The following SUGCT variants were observed in gnomAD, a reference collection of about 807,000 sequenced individuals.
SUGCT encodes succinyl-CoA:glutarate CoA-transferase.
SUGCT carries 41 observed loss-of-function variants against 55.0 expected under a neutral mutation model. The ratio of observed to expected loss-of-function variants is 0.74; its 90% CI spans 0.58 to 0.97. SUGCT has a LOEUF of 0.97. Among genes scored for constraint, SUGCT ranks in the 50% least tolerant of loss-of-function variants. The pLI is 0.00. For synonymous variants in SUGCT, 187 were observed against 200.4 expected, an observed-to-expected ratio of 0.93 and a Z score of 0.56; for missense variants, 568 against 547.8, an observed-to-expected ratio of 1.04 and a Z score of -0.37.
intron 12 of SUGCT, among the ~76,000 whole-genome samples, chr7:40,559,220 C>T (rs1019618663): frequency 2.0e-5 from 3 of 152,172 alleles, no homozygotes; most frequent in Non-Finnish European, 2.9e-5. Flanking sequence ...CAGCCAGATG[C>T]TCCATCTCCT....
chr7:40,340,939 A>G (rs541596603), intron 9 of SUGCT, among the ~76,000 whole-genome samples: 10 of 152,212 alleles, frequency 6.6e-5, no homozygotes, highest in Non-Finnish European at 1.2e-4. Flanking sequence ...GGTATGTAGT[A>G]TTAGATCAAA....
chr7:40,626,719 G>A lies in SUGCT; in HGVS notation c.1090-122715G>A, dbSNP rs541681161. 1.3e-4 allele frequency among the ~76,000 whole-genome samples: 20 copies of A among 152,198 alleles called. No homozygotes were observed. The South Asian group carries it at 2.3e-3, about 17-fold the overall frequency. The stretch of plus-strand genomic sequence containing the variant: ...TGGGTTCTTGGGGTCAGACAAACAC[G>A]GGTCCAAATCCTAGTTCTGGGTCTT... On this transcript the variant is annotated intron_variant, in intron 12 of 13. Coordinates refer to ENST00000335693, the MANE Select transcript of SUGCT (RefSeq NM_001193313.2).
At chr7:40,540,312 G>C (rs555561217) in intron 12 of SUGCT, among the ~76,000 whole-genome samples, 2 of 152,184 alleles carry the variant, frequency 1.3e-5, no homozygotes, top group African/African-American at 4.8e-5. Flanking sequence ...CAATAGCTCT[G>C]TAAGGTAAGG....
intron 12 of SUGCT, among the ~76,000 whole-genome samples, chr7:40,499,760 A>G (rs115817319): frequency 0.028 from 4,306 of 152,268 alleles, 149 homozygotes; most frequent in African/African-American, 0.074. Context: ...ATAGATTTTA[A>G]TAGCCAGTCA....
chr7:40,343,813 C>G (rs1268424512), intron 9 of SUGCT, among the ~76,000 whole-genome samples: 2 of 152,172 alleles, frequency 1.3e-5, no homozygotes, highest in Middle Eastern at 6.8e-3. Flanking sequence ...CCCGCCACCA[C>G]GCCTGGCTAA....
the SUGCT span, among the ~76,000 whole-genome samples, chr7:40,898,194 G>A: frequency 3.3e-5 from 5 of 152,130 alleles, no homozygotes; most frequent in Admixed American, 6.5e-5. Context: ...AACTCTGGAC[G>A]TGCCACTTTT....
Position 40,181,986 on chromosome 7 carries a change from T to C in SUGCT, c.184T>C (p.Leu62=). 6.2e-7 allele frequency: 1 copy of C among 1,602,300 alleles called. No homozygotes were observed. Among genetic ancestry groups the C allele is most frequent in the Non-Finnish European group, 8.5e-7 (1 of 1,172,974 alleles). The part of the protein sequence containing the change: ...VLAGPFATMN[L]GDLGAEVIKV... ...GGCGGGACCTTTTGCTACTATGAAT[T>C]TAGGAGATCTTGGAGCAGAAGTTAT... The change falls in exon 3 of 14, where the codon TTA becomes CTA. Residue 62 remains leucine, a synonymous_variant. Coordinates refer to ENST00000335693, the MANE Select transcript of SUGCT (RefSeq NM_001193313.2).
At chr7:40,870,436 T>C in the SUGCT span, among the ~76,000 whole-genome samples, 948 of 152,286 alleles carry the variant, frequency 6.2e-3, 2 homozygotes, top group Admixed American at 9.9e-3. Flanking sequence ...CTGTCTCTTG[T>C]AAGCAAACTT....
chr7:40,334,448 C>T (rs1017017627), intron 9 of SUGCT, among the ~76,000 whole-genome samples: 51 of 152,188 alleles, frequency 3.4e-4, no homozygotes, highest in Non-Finnish European at 4.4e-5. Flanking sequence ...ATCATTCTAA[C>T]TGGTGGGAGA....
intron 9 of SUGCT, among the ~76,000 whole-genome samples, chr7:40,437,157 A>G (rs548608883): frequency 6.6e-6 from 1 of 152,310 alleles, no homozygotes; most frequent in East Asian, 1.9e-4. Context: ...GAAAAATAAT[A>G]TCCATTGACA....
chr7:40,849,032 C>T (rs1793721455), intron 13 of SUGCT, among the ~76,000 whole-genome samples: 4 of 152,118 alleles, frequency 2.6e-5, no homozygotes, highest in Non-Finnish European at 5.9e-5. Flanking sequence ...TCATTATTTT[C>T]AGCAAAATGA....
At chr7:40,619,217 C>T (rs986339564) in intron 12 of SUGCT, among the ~76,000 whole-genome samples, 2 of 152,176 alleles carry the variant, frequency 1.3e-5, no homozygotes, top group Admixed American at 1.3e-4. Context: ...TCTTGCAATC[C>T]CATTTTAATA....
intron 13 of SUGCT, among the ~76,000 whole-genome samples, chr7:40,825,966 A>G (rs2128771632): frequency 6.6e-6 from 1 of 152,340 alleles, no homozygotes; most frequent in South Asian, 2.1e-4. Flanking sequence ...TAGTAAAGCT[A>G]TTTTATTTTT....
At chr7:40,683,356 C>T (rs914311448) in intron 12 of SUGCT, among the ~76,000 whole-genome samples, 5 of 152,158 alleles carry the variant, frequency 3.3e-5, no homozygotes, top group Admixed American at 6.6e-5. Context: ...GTTAGTTTTT[C>T]CACCTGTGCT....
intron 8 of SUGCT, among the ~76,000 whole-genome samples, chr7:40,287,913 A>G (rs1793461681): frequency 6.6e-6 from 1 of 152,064 alleles, no homozygotes; most frequent in African/African-American, 2.4e-5. Context: ...GACTATTGAC[A>G]TGATGATTTG....
chr7:40,788,634 G>C (rs1052081719), intron 13 of SUGCT, among the ~76,000 whole-genome samples: 3 of 152,220 alleles, frequency 2.0e-5, no homozygotes, highest in African/African-American at 7.2e-5. Flanking sequence ...TCTCTGTGTG[G>C]GTTGGGGTCT....
chr7:40,850,289 G>A (rs1793787090), intron 13 of SUGCT, among the ~76,000 whole-genome samples: 1 of 152,170 alleles, frequency 6.6e-6, no homozygotes, highest in Admixed American at 6.5e-5. Context: ...CTGTGACCCT[G>A]AGCAAGTGGC....
intron 8 of SUGCT, among the ~76,000 whole-genome samples, chr7:40,295,110 A>G (rs1562654660): frequency 1.3e-5 from 2 of 152,384 alleles, no homozygotes. Context: ...CTGTAAAAGT[A>G]TGGAGCATAG....
intron 10 of SUGCT, among the ~76,000 whole-genome samples, chr7:40,449,826 T>C (rs1283207441): frequency 5.3e-5 from 8 of 152,210 alleles, no homozygotes; most frequent in Admixed American, 2.0e-4. Flanking sequence ...ACTTAACCTT[T>C]ATTTAATGAG....
Sources: allele counts gnomAD v4.1 joint callset (sites outside exome capture counted in the v4.1 genomes callset), GRCh38; gene constraint gnomAD v4.1.1; transcripts MANE v1.5; gene names NCBI Gene and HGNC (gene_info 2026-07-23, HGNC 2026-07-21).